CAPZA3: variants seen among roughly 807,000 people sequenced by gnomAD.
CAPZA3 encodes the protein F-actin-capping protein subunit alpha-3.
A neutral mutation model predicts 23.6 loss-of-function variants in CAPZA3; 22 were observed. The ratio of observed to expected loss-of-function variants is 0.93; its 90% CI spans 0.67 to 1.33. The LOEUF is 1.33. Among genes scored for constraint, CAPZA3 ranks in the 40% most tolerant of loss-of-function variants. CAPZA3 has a pLI of 0.00. For synonymous variants in CAPZA3, 142 were observed against 126.5 expected, an observed-to-expected ratio of 1.12 and a Z score of -0.82; for missense variants, 357 against 345.9, an observed-to-expected ratio of 1.03 and a Z score of -0.25.
rs758818877 is a variant in CAPZA3 at position 18,738,807 on chromosome 12, C to T, written c.539C>T (p.Pro180Leu). ...WKSKWIFQVN[P>L]FLTQVTGRIF... is the part of the protein sequence containing the mutation. ...TCTAAATGGATTTTCCAAGTTAACC[C>T]ATTTCTAACCCAAGTAACGGGAAGA... is the stretch of plus-strand genomic sequence containing the variant. The change falls in exon 1 of 1, where the codon CCA becomes CTA. Residue 180 changes from proline to leucine, a missense_variant. Coordinates refer to ENST00000317658, the MANE Select transcript of CAPZA3 (RefSeq NM_033328.3). 1 of 1,614,066 alleles carries T rather than the reference C, an allele frequency of 6.2e-7. No individual in the cohort carries two copies. The highest frequency in any genetic ancestry group is 2.2e-5 in the East Asian group (1 of 44,872).
At position 18,738,174 on chromosome 12, in the gene CAPZA3, T is replaced by C. The variant is rs75312670; in HGVS notation, c.-95T>C. 1,971 of 1,194,572 alleles carry C rather than the reference T, an allele frequency of 1.6e-3. 28 individuals are homozygous for C. The African/African-American group carries it at 0.027, about 17-fold the overall frequency. 74.0% of individuals were successfully genotyped at this position (1,194,572 alleles called of 1,614,324 possible). A position where few individuals can be genotyped will look rare whatever the true frequency, so the allele number is the denominator to read the frequency against. On this transcript the variant is annotated 5_prime_UTR_variant, in exon 1 of 1. The change abolishes an upstream ATG in the 5' untranslated region. Transcript: ENST00000317658. ...TAGACATAAAAACCTTCAGCTTGAA[T>C]GTTAACACCTTGATGGGAAAGGTGG...
chr12:18,739,107 T>G lies in CAPZA3; in HGVS notation c.839T>G (p.Met280Arg). Residue 280 changes from methionine (M) to arginine (R), a missense_variant, in exon 1 of 1, where the codon ATG (methionine) becomes AGG (arginine). Met to Arg is a moderately conservative substitution (Grantham distance 91). Coordinates refer to ENST00000317658, the MANE Select transcript of CAPZA3 (RefSeq NM_033328.3). ...HRILSDLNLV[M>R]YPKLGYVIYS... ...ATACTCTCTGACTTGAATCTGGTGA[T>G]GTATCCTAAATTAGGATATGTCATT... The G allele has an allele frequency of 2.5e-6, 4 of 1,612,392 alleles. No individual in the cohort carries two copies. The highest frequency in any genetic ancestry group is 3.4e-6 in the Non-Finnish European group (4 of 1,179,012).
Position 18,738,371 on chromosome 12 carries a change from T to G in CAPZA3, c.103T>G (p.Cys35Gly). 20 of 1,614,070 alleles carry G rather than the reference T, an allele frequency of 1.2e-5. No individual in the cohort carries two copies. The highest frequency in any genetic ancestry group is 1.7e-5 in the Non-Finnish European group (20 of 1,179,936). ...ATTTGTAAATGCCTTTGATGATCTC[T>G]GTCTGCTTATCCGTGATGAAAAACT... ...GEFVNAFDDL[C>G]LLIRDEKLMH... The change falls in exon 1 of 1, where the codon TGT becomes GGT. Residue 35 changes from cysteine (C) to glycine (G), a missense_variant. Coordinates refer to ENST00000317658, the MANE Select transcript of CAPZA3 (RefSeq NM_033328.3).
In CAPZA3 at chr12:18,738,667, T is replaced by C. The variant is rs1959684363; in HGVS notation, c.399T>C (p.Tyr133=). 1 of 1,614,042 alleles carries C rather than the reference T, an allele frequency of 6.2e-7. No individual in the cohort carries two copies. The highest frequency in any genetic ancestry group is 8.5e-7 in the Non-Finnish European group (1 of 1,179,974). Residue 133 remains tyrosine, a synonymous_variant, in exon 1 of 1, where the codon TAT becomes TAC. Coordinates refer to ENST00000317658, the MANE Select transcript of CAPZA3 (RefSeq NM_033328.3). ...CALKLYVNDH[Y]PKGNCNMLRK... ...TAAAACTGTATGTGAATGACCACTA[T>C]CCAAAAGGAAATTGCAACATGCTGA...
rs755360500 is a variant in CAPZA3, at chr12:18,738,614, T to A, written c.346T>A (p.Tyr116Asn). 13 of 1,613,928 alleles carry A rather than the reference T, an allele frequency of 8.1e-6. No homozygotes were observed. The highest frequency in any genetic ancestry group is 1.1e-5 in the Non-Finnish European group (13 of 1,179,958). Residue 116 changes from tyrosine (Y) to asparagine (N), a missense_variant, in exon 1 of 1, where the codon TAC (tyrosine) becomes AAC (asparagine). Tyr to Asn is a moderately radical substitution (Grantham distance 143). Coordinates refer to ENST00000317658, the MANE Select transcript of CAPZA3 (RefSeq NM_033328.3). ...TGGTATCATTCAGAATGAGGCAGAA[T>A]ACCTGAGAGTTGTTCTTCTGTGCGC... ...SHGIIQNEAE[Y>N]LRVVLLCALK...
rs200098261 is a variant in CAPZA3 at position 18,739,038 on chromosome 12, G to A, written c.770G>A (p.Arg257Gln). Residue 257 changes from arginine to glutamine, a missense_variant, in exon 1 of 1, where the codon CGA becomes CAA. Physicochemically the swap from Arg to Gln is conservative, Grantham distance 43. Transcript: ENST00000317658. ...LSNEALRKIL[R>Q]RDLPVTRTLI... ...AATGAAGCCCTGAGAAAAATTCTAC[G>A]AAGGGATCTTCCAGTGACCCGCACT... 9.3e-6 allele frequency: 15 copies of A among 1,611,926 alleles called. No homozygotes were observed. The highest frequency in any genetic ancestry group is 1.3e-5 in the African/African-American group (1 of 75,028).
In CAPZA3 at chr12:18,738,180, C is replaced by T. The variant is rs1165873627; in HGVS notation, c.-89C>T. On this transcript the variant is annotated 5_prime_UTR_variant, in exon 1 of 1. Coordinates refer to ENST00000317658, the MANE Select transcript of CAPZA3 (RefSeq NM_033328.3). ...TAAAAACCTTCAGCTTGAATGTTAA[C>T]ACCTTGATGGGAAAGGTGGCTCATG... The T allele has an allele frequency of 4.8e-6, 6 of 1,261,074 alleles. No homozygotes were observed. The East Asian group carries it at 1.4e-4, about 29-fold the overall frequency. The allele number at this position is 1,261,074 out of a possible 1,614,324, so 78.1% of individuals were successfully genotyped here. A position where few individuals can be genotyped will look rare whatever the true frequency, so the allele number is the denominator to read the frequency against.
chr12:18,738,604 T>A lies in CAPZA3; in HGVS notation c.336T>A (p.Asn112Lys). The A allele has an allele frequency of 6.2e-7, 1 of 1,614,108 alleles. No homozygotes were observed. Among genetic ancestry groups the A allele is most frequent in the South Asian group, 1.1e-5 (1 of 91,092 alleles). ...KDIQSHGIIQ[N>K]EAEYLRVVLL... ...TCCAAAGTCATGGTATCATTCAGAA[T>A]GAGGCAGAATACCTGAGAGTTGTTC... is the stretch of plus-strand genomic sequence containing the variant. The change falls in exon 1 of 1, where the codon AAT (asparagine) becomes AAA (lysine). Residue 112 changes from asparagine to lysine, a missense_variant. Coordinates refer to ENST00000317658, the MANE Select transcript of CAPZA3 (RefSeq NM_033328.3).
chr12:18,738,505 C>A lies in CAPZA3; in HGVS notation c.237C>A (p.Gly79=), dbSNP rs369388250. The A allele has an allele frequency of 6.2e-7, 1 of 1,614,038 alleles. No homozygotes were observed. Among genetic ancestry groups the A allele is most frequent in the Non-Finnish European group, 8.5e-7 (1 of 1,179,974 alleles). ...PVLLSHHNVM[G]DYRFFDHQSK... ...TCTTGTCTCACCACAATGTAATGGG[C>A]GACTACCGATTTTTTGACCATCAAA... Residue 79 remains glycine, a synonymous_variant, in exon 1 of 1, where the codon GGC becomes GGA. Transcript: ENST00000317658.
At position 18,738,481 on chromosome 12, in the gene CAPZA3, C is replaced by T; in HGVS notation, c.213C>T (p.Leu71=). The change falls in exon 1 of 1, where the codon CTC becomes CTT. Residue 71 remains leucine (L), a synonymous_variant. Coordinates refer to ENST00000317658, the MANE Select transcript of CAPZA3 (RefSeq NM_033328.3). ...TCTGCATCGATGGAAATCCAGTACT[C>T]TTGTCTCACCACAATGTAATGGGCG... is the stretch of plus-strand genomic sequence containing the variant. ...VPLCIDGNPV[L]LSHHNVMGDY... 1 of 1,614,126 alleles carries T rather than the reference C, an allele frequency of 6.2e-7. No individual in the cohort carries two copies. Among genetic ancestry groups the T allele is most frequent in the Non-Finnish European group, 8.5e-7 (1 of 1,179,998 alleles).
rs368077520 is a variant in CAPZA3 at position 18,738,823 on chromosome 12, A to G, written c.555A>G (p.Val185=). 1.2e-6 allele frequency: 2 copies of G among 1,613,950 alleles called. No homozygotes were observed. The highest frequency in any genetic ancestry group is 1.3e-5 in the African/African-American group (1 of 74,922). The change falls in exon 1 of 1, where the codon GTA becomes GTG. Residue 185 remains valine (V), a synonymous_variant. Transcript: ENST00000317658. ...IFQVNPFLTQ[V]TGRIFVQAHF... The stretch of plus-strand genomic sequence containing the variant: ...AAGTTAACCCATTTCTAACCCAAGT[A>G]ACGGGAAGAATATTTGTGCAAGCTC...
Position 18,738,781 on chromosome 12 carries a change from A to G in CAPZA3, c.513A>G (p.Lys171=). 6.2e-7 allele frequency: 1 copy of G among 1,614,118 alleles called. No homozygotes were observed. The highest frequency in any genetic ancestry group is 8.5e-7 in the Non-Finnish European group (1 of 1,179,992). ...ETGECWNGLW[K]SKWIFQVNPF... ...GAGAGTGCTGGAACGGACTTTGGAAATCTAAATGGATTTTCCAAGTTAACC... is the reference window on the plus strand; with the variant it reads ...GAGAGTGCTGGAACGGACTTTGGAAGTCTAAATGGATTTTCCAAGTTAACC... The change falls in exon 1 of 1, where the codon AAA becomes AAG. Residue 171 remains lysine (K), a synonymous_variant. Coordinates refer to ENST00000317658, the MANE Select transcript of CAPZA3 (RefSeq NM_033328.3).
chr12:18,738,381 T>C lies in CAPZA3; in HGVS notation c.113T>C (p.Ile38Thr). The change falls in exon 1 of 1, where the codon ATC (isoleucine) becomes ACC (threonine). Residue 38 changes from isoleucine to threonine, a missense_variant. Physicochemically the swap from Ile to Thr is moderately conservative, Grantham distance 89. Coordinates refer to ENST00000317658, the MANE Select transcript of CAPZA3 (RefSeq NM_033328.3). ...VNAFDDLCLL[I>T]RDEKLMHHQG... is the part of the protein sequence containing the mutation. ...GCCTTTGATGATCTCTGTCTGCTTA[T>C]CCGTGATGAAAAACTTATGCACCAC... 1 of 1,614,116 alleles carries C rather than the reference T, an allele frequency of 6.2e-7. No homozygotes were observed. Among genetic ancestry groups the C allele is most frequent in the Non-Finnish European group, 8.5e-7 (1 of 1,179,986 alleles).
chr12:18,738,522 A>T lies in CAPZA3; in HGVS notation c.254A>T (p.Asp85Val), dbSNP rs749632201. Reference sequence around the variant, plus strand: ...GTAATGGGCGACTACCGATTTTTTGACCATCAAAGCAAACTTTCTTTCAAA... The same window carrying T: ...GTAATGGGCGACTACCGATTTTTTGTCCATCAAAGCAAACTTTCTTTCAAA... ...HNVMGDYRFF[D>V]HQSKLSFKYD... Residue 85 changes from aspartate (D) to valine (V), a missense_variant, in exon 1 of 1, where the codon GAC becomes GTC. Coordinates refer to ENST00000317658, the MANE Select transcript of CAPZA3 (RefSeq NM_033328.3). 4 of 1,614,016 alleles carry T rather than the reference A, an allele frequency of 2.5e-6. No homozygotes were observed. Among genetic ancestry groups the T allele is most frequent in the Non-Finnish European group, 3.4e-6 (4 of 1,180,002 alleles).
At position 18,738,376 on chromosome 12, in the gene CAPZA3, G is replaced by T; in HGVS notation, c.108G>T (p.Leu36=). 1 of 1,614,104 alleles carries T rather than the reference G, an allele frequency of 6.2e-7. No individual in the cohort carries two copies. The highest frequency in any genetic ancestry group is 8.5e-7 in the Non-Finnish European group (1 of 1,179,998). ...TAAATGCCTTTGATGATCTCTGTCT[G>T]CTTATCCGTGATGAAAAACTTATGC... ...EFVNAFDDLC[L]LIRDEKLMHH... Residue 36 remains leucine (L), a synonymous_variant, in exon 1 of 1, where the codon CTG becomes CTT. Transcript: ENST00000317658.
In CAPZA3 at chr12:18,738,710, A is replaced by G; in HGVS notation, c.442A>G (p.Lys148Glu). ...CNMLRKTVKS[K>E]EYLIACIEDH... is the part of the protein sequence containing the mutation. ...CATGCTGAGAAAAACTGTCAAAAGT[A>G]AGGAGTACTTGATAGCTTGCATTGA... The change falls in exon 1 of 1, where the codon AAG becomes GAG. Residue 148 changes from lysine (K) to glutamate (E), a missense_variant. Lys to Glu is a moderately conservative substitution (Grantham distance 56, BLOSUM62 1). Coordinates refer to ENST00000317658, the MANE Select transcript of CAPZA3 (RefSeq NM_033328.3). 6.2e-7 allele frequency: 1 copy of G among 1,614,078 alleles called. No individual in the cohort carries two copies. The highest frequency in any genetic ancestry group is 8.5e-7 in the Non-Finnish European group (1 of 1,179,958).
rs777853511 is a variant in CAPZA3, at chr12:18,738,306, G to A, written c.38G>A (p.Arg13Lys). 1.2e-6 allele frequency: 2 copies of A among 1,613,396 alleles called. No homozygotes were observed. Among genetic ancestry groups the A allele is most frequent in the Admixed American group, 1.7e-5 (1 of 59,924 alleles). The part of the protein sequence containing the change: ...LSVLSRKDKE[R>K]VIRRLLLQAP... ...GTGCTGAGCAGGAAGGACAAGGAAA[G>A]AGTAATTCGCAGACTGTTATTACAG... The change falls in exon 1 of 1, where the codon AGA (arginine) becomes AAA (lysine). Residue 13 changes from arginine (R) to lysine (K), a missense_variant. Transcript: ENST00000317658.
chr12:18,738,650 T>C lies in CAPZA3; in HGVS notation c.382T>C (p.Tyr128His). Residue 128 changes from tyrosine (Y) to histidine (H), a missense_variant, in exon 1 of 1, where the codon TAT (tyrosine) becomes CAT (histidine). Physicochemically the swap from Tyr to His is moderately conservative, Grantham distance 83 (BLOSUM62 2). Coordinates refer to ENST00000317658, the MANE Select transcript of CAPZA3 (RefSeq NM_033328.3). ...TGTTCTTCTGTGCGCCTTAAAACTG[T>C]ATGTGAATGACCACTATCCAAAAGG... ...RVVLLCALKL[Y>H]VNDHYPKGNC... 1 of 1,614,086 alleles carries C rather than the reference T, an allele frequency of 6.2e-7. No individual in the cohort carries two copies. Among genetic ancestry groups the C allele is most frequent in the Non-Finnish European group, 8.5e-7 (1 of 1,179,984 alleles).
rs767069290 is a variant in CAPZA3, at chr12:18,738,278, A to C, written c.10A>C (p.Ser4Arg). The change falls in exon 1 of 1, where the codon AGC (serine) becomes CGC (arginine). Residue 4 changes from serine (S) to arginine (R), a missense_variant. Transcript: ENST00000317658. MTL[S>R]VLSRKDKERV... The stretch of plus-strand genomic sequence containing the variant: ...TCTGTTGCAACCAAACATGACACTT[A>C]GCGTGCTGAGCAGGAAGGACAAGGA... 2 of 1,605,714 alleles carry C rather than the reference A, an allele frequency of 1.2e-6. No individual in the cohort carries two copies. Among genetic ancestry groups the C allele is most frequent in the East Asian group, 4.5e-5 (2 of 44,828 alleles).
Sources: gnomAD v4.1 joint callset for allele counts on GRCh38, gnomAD v4.1.1 for gene constraint, MANE v1.5 for transcripts, NCBI Gene and HGNC (gene_info 2026-07-23, HGNC 2026-07-21) for gene names.